The following TRAP1 variants were observed in gnomAD, a reference collection of about 807,000 sequenced individuals.
TRAP1 encodes heat shock protein 75 kDa, mitochondrial.
A neutral mutation model predicts 89.1 loss-of-function variants in TRAP1; 102 were observed. That is an observed-to-expected ratio of 1.15 (90% confidence interval 0.98 to 1.35). TRAP1 has a LOEUF of 1.35. TRAP1 is among the 40% of genes most tolerant of loss of function. The pLI, the probability that TRAP1 is intolerant of heterozygous loss-of-function variation, is 0.00. For missense variants in TRAP1, 1,256 were observed against 945.3 expected (o/e 1.33, Z -4.31); for synonymous variants, 508 against 388.0 (o/e 1.31, Z -3.64).
At chr16:3,685,427 G>A (rs1279016844) in intron 4 of TRAP1, among the ~76,000 whole-genome samples, 1 of 151,958 alleles carries the variant, frequency 6.6e-6, no homozygotes, top group Non-Finnish European at 1.5e-5. Flanking sequence ...ACCCTAAAAG[G>A]GAATACTCAG....
chr16:3,698,594 G>T (rs1057262034), intron 1 of TRAP1, among the ~76,000 whole-genome samples: 1 of 150,574 alleles, frequency 6.6e-6, no homozygotes, highest in African/African-American at 2.4e-5. Context: ...GAGCCACCGC[G>T]CCCGGCTTCT....
chr16:3,667,779 G>A (rs1008625382), intron 11 of TRAP1, among the ~76,000 whole-genome samples: 15 of 300 alleles, frequency 0.05, no homozygotes, highest in South Asian at 0.25. Context: ...TTTTCCATCC[G>A]ACGAATCTTG....
chr16:3,675,038 T>C (rs1398675069), intron 8 of TRAP1: 3 of 442,930 alleles, frequency 6.8e-6, no homozygotes, highest in Admixed American at 3.8e-5. Flanking sequence ...CACAGCTCTG[T>C]GGCTGCACTG....
intron 5 of TRAP1, 46 bp from the exon 6 acceptor site, chr16:3,677,704 G>T: frequency 6.3e-7 from 1 of 1,593,102 alleles, no homozygotes; most frequent in South Asian, 1.1e-5. Flanking sequence ...CCTCCAGAGA[G>T]CAGACACTCC....
intron 1 of TRAP1, among the ~76,000 whole-genome samples, chr16:3,704,697 G>C (rs1374802613): frequency 6.6e-6 from 1 of 152,060 alleles, no homozygotes; most frequent in Non-Finnish European, 1.5e-5. Flanking sequence ...CTCTCAAAAA[G>C]TAAACACACA....
intron 1 of TRAP1, among the ~76,000 whole-genome samples, chr16:3,697,572 G>A (rs2051306590): frequency 6.6e-6 from 1 of 150,426 alleles, no homozygotes; most frequent in Non-Finnish European, 1.5e-5. Context: ...GCTGAGGCAG[G>A]AGAATGGCAT....
In TRAP1 at chr16:3,664,396, G is replaced by C. The variant is rs1373284470; in HGVS notation, c.1447C>G (p.Leu483Val). ...SALPSGQLTS[L>V]SEYASRMRAG... Reference sequence around the variant, plus strand: ...CGCATGCGGCTGGCGTATTCTGAGAGGCTGGTTAGCTGCCCGGAGGGCAGC... The same window carrying C: ...CGCATGCGGCTGGCGTATTCTGAGACGCTGGTTAGCTGCCCGGAGGGCAGC... Residue 483 changes from leucine (L) to valine (V), a missense_variant, in exon 13 of 18, where the codon CTC becomes GTC. Leu to Val is a conservative substitution (Grantham distance 32, BLOSUM62 1). Transcript: ENST00000246957. 3 of 1,612,498 alleles carry C rather than the reference G, an allele frequency of 1.9e-6. No homozygotes were observed. Among genetic ancestry groups the C allele is most frequent in the South Asian group, 1.1e-5 (1 of 90,834 alleles).
At chr16:3,697,537 G>A (rs1206515525) in intron 1 of TRAP1, among the ~76,000 whole-genome samples, 2 of 151,368 alleles carry the variant, frequency 1.3e-5, no homozygotes, top group Admixed American at 6.6e-5. Flanking sequence ...AGTGGTGGGC[G>A]CCTGTAGTCC....
In TRAP1 at chr16:3,702,482, C is replaced by T. The variant is rs531871481; in HGVS notation, c.89-11497G>A. Among the ~76,000 whole-genome samples the T allele has an allele frequency of 2.0e-5, 3 of 152,010 alleles. No homozygotes were observed. In the South Asian group the frequency reaches 6.2e-4, roughly 31 times the overall value. On this transcript the variant is annotated intron_variant, in intron 1 of 17. Transcript: ENST00000246957. ...ATAAGGCCTAGGGCAGTGGCTCACA[C>T]CTGTAATCCCAGCACTCTAGGAGGC...
intron 1 of TRAP1, among the ~76,000 whole-genome samples, chr16:3,698,538 G>A (rs1269429970): frequency 6.6e-6 from 1 of 151,858 alleles, no homozygotes; most frequent in African/African-American, 2.4e-5. Context: ...TCCTGACCTC[G>A]TGATCTGCCC....
In TRAP1 at chr16:3,715,193, C is replaced by T. The variant is rs553296488; in HGVS notation, c.88+2228G>A. Among the ~76,000 whole-genome samples, 17 of 152,308 alleles carry T rather than the reference C, an allele frequency of 1.1e-4. 1 individual carries two copies. In the East Asian group the frequency reaches 3.3e-3, roughly 29 times the overall value. ...GCGGCTCACGCTTGTAATCCCAGCA[C>T]TTTGGGAGGCCGAAGTGGGCGGATC... On this transcript the variant is annotated intron_variant, in intron 1 of 17. Transcript: ENST00000246957.
chr16:3,686,298 C>T (rs1228951413), intron 3 of TRAP1, among the ~76,000 whole-genome samples, 162 bp from the exon 4 acceptor site: 2 of 152,274 alleles, frequency 1.3e-5, no homozygotes, highest in East Asian at 3.9e-4. Context: ...TCCTCTGGGC[C>T]GGTCACAAAG....
intron 16 of TRAP1, chr16:3,659,977 T>G (rs1004080167): frequency 2.0e-5 from 3 of 152,180 alleles, no homozygotes; most frequent in African/African-American, 4.8e-5. Flanking sequence ...TCCACCCGCC[T>G]AGGCCTCCCA....
Position 3,658,815 on chromosome 16 carries a change from A to G in TRAP1, c.1991T>C (p.Leu664Pro). ...CACCTGATCCACCAGCAGCTGAGCC[A>G]GGCCAGGCTCGCTTGCGCGCAGCTG... ...LNQLRASEPG[L>P]AQLLVDQIYE... The change falls in exon 17 of 18, where the codon CTG (leucine) becomes CCG (proline). Residue 664 changes from leucine to proline, a missense_variant. Physicochemically the swap from Leu to Pro is moderately conservative, Grantham distance 98. Coordinates refer to ENST00000246957, the MANE Select transcript of TRAP1 (RefSeq NM_016292.3). 6.2e-7 allele frequency: 1 copy of G among 1,613,898 alleles called. No homozygotes were observed. Among genetic ancestry groups the G allele is most frequent in the Non-Finnish European group, 8.5e-7 (1 of 1,179,956 alleles).
chr16:3,696,299 G>T (rs1478412543), intron 1 of TRAP1, among the ~76,000 whole-genome samples: 2 of 152,164 alleles, frequency 1.3e-5, no homozygotes, highest in Non-Finnish European at 2.9e-5. Flanking sequence ...GAAAGGACGG[G>T]GTGTGTCAGG....
chr16:3,664,240 C>T (rs1328887039), intron 13 of TRAP1, 34 bp downstream of exon 13: 10 of 1,507,310 alleles, frequency 6.6e-6, no homozygotes, highest in Non-Finnish European at 8.0e-6. Context: ...CAGGTTGCAG[C>T]CCCCGGAGCC....
Position 3,662,946 on chromosome 16 carries a change from T to C in TRAP1, c.1730A>G (p.Lys577Arg), listed in dbSNP as rs560530215. ...RSPAAECLSE[K>R]ETEELMAWMR... ...CCAGGCCATGAGCTCCTCCGTCTCC[T>C]TCTCTGATAGGCACTCGGCGGCTGC... Residue 577 changes from lysine (K) to arginine (R), a missense_variant, in exon 15 of 18, where the codon AAG becomes AGG. Lys to Arg is a conservative substitution (Grantham distance 26). Transcript: ENST00000246957. 11 of 1,612,198 alleles carry C rather than the reference T, an allele frequency of 6.8e-6. No individual in the cohort carries two copies. In the East Asian group the frequency reaches 2.2e-4, roughly 33 times the overall value.
chr16:3,662,699 T>A (rs2043155483), intron 15 of TRAP1, 183 bp downstream of exon 15: 1 of 702,758 alleles, frequency 1.4e-6, no homozygotes, highest in East Asian at 2.7e-5. Flanking sequence ...ACGGCCTTCC[T>A]GCCTCAGCGG....
At chr16:3,664,124 C>T in intron 13 of TRAP1, 150 bp downstream of exon 13, 1 of 797,618 alleles carries the variant, frequency 1.3e-6, no homozygotes, top group Non-Finnish European at 1.8e-6. Flanking sequence ...ACAGCCGTCA[C>T]AGTCGGTCCG....
Sources: allele counts gnomAD v4.1 joint callset (sites outside exome capture counted in the v4.1 genomes callset), GRCh38; gene constraint gnomAD v4.1.1; transcripts MANE v1.5; gene names NCBI Gene and HGNC (gene_info 2026-07-23, HGNC 2026-07-21).